Variants in NR1H4 observed in about 807,000 individuals in gnomAD.
The protein encoded by NR1H4 is nuclear receptor subfamily 1 group H member 4, also known as bile acid receptor.
Under a neutral mutation model 58.5 loss-of-function variants are expected in NR1H4, and 23 were observed. That is an observed-to-expected ratio of 0.39 (90% CI 0.28 to 0.56). The LOEUF is 0.56. Among genes scored for constraint, NR1H4 ranks in the 20% least tolerant of loss-of-function variants. The pLI is 0.58. For synonymous variants in NR1H4, 214 were observed against 198.0 expected, an observed-to-expected ratio of 1.08 and a Z score of -0.68; for missense variants, 487 against 576.9, an observed-to-expected ratio of 0.84 and a Z score of 1.60.
intron 4 of NR1H4, among the ~76,000 whole-genome samples, chr12:100,516,040 C>T (rs528077618): frequency 6.6e-5 from 10 of 152,264 alleles, no homozygotes; most frequent in East Asian, 3.9e-4. Context: ...AGAATACTGG[C>T]GTAAAAATCA....
chr12:100,538,415 C>T (rs983363721), intron 8 of NR1H4, among the ~76,000 whole-genome samples: 19 of 152,026 alleles, frequency 1.2e-4, no homozygotes, highest in Admixed American at 6.6e-5. Context: ...ATTCAAAAAT[C>T]GATAGGGCTT....
intron 4 of NR1H4, among the ~76,000 whole-genome samples, chr12:100,520,712 T>TA (rs1388214316): frequency 6.6e-6 from 1 of 152,192 alleles, no homozygotes; most frequent in East Asian, 1.9e-4. Flanking sequence ...CAATCCCGCT[T>TA]ACCAGTAGAA....
chr12:100,494,055 T>C (rs1953659729), intron 3 of NR1H4, among the ~76,000 whole-genome samples: 1 of 152,230 alleles, frequency 6.6e-6, no homozygotes, highest in Non-Finnish European at 1.5e-5. Context: ...GGAGCCTTTC[T>C]GCCAGTGTTA....
rs146080750 is a variant in NR1H4, at chr12:100,563,004, T to A, written c.1193-247T>A. Among the ~76,000 whole-genome samples the A allele has an allele frequency of 9.6e-4, 146 of 152,284 alleles. 1 individual carries two copies. Among genetic ancestry groups the A allele is most frequent in the African/African-American group, 3.2e-3 (135 of 41,558 alleles). The stretch of plus-strand genomic sequence containing the variant: ...AGGATGCTCACGTCCACCCTACAGG[T>A]TATCTTTAGGGGTTTTGATTGGAAG... On this transcript the variant is annotated intron_variant, in intron 10 of 10. Transcript: ENST00000392986.
At chr12:100,482,146 A>C (rs1285831018) in intron 1 of NR1H4, among the ~76,000 whole-genome samples, 1 of 151,976 alleles carries the variant, frequency 6.6e-6, no homozygotes, top group Non-Finnish European at 1.5e-5. Context: ...AAAACAAAAC[A>C]ATTTCCTGGG....
intron 3 of NR1H4, among the ~76,000 whole-genome samples, chr12:100,496,642 G>A (rs1237024515): frequency 3.3e-5 from 5 of 152,190 alleles, no homozygotes; most frequent in Non-Finnish European, 7.3e-5. Context: ...CCACAAAAAT[G>A]CTACTGTTGT....
intron 1 of NR1H4, among the ~76,000 whole-genome samples, chr12:100,488,518 A>T (rs964050967): frequency 8.5e-5 from 13 of 152,214 alleles, no homozygotes; most frequent in East Asian, 1.9e-4. Context: ...ATTAGAAATT[A>T]AAAAAATTCA....
intron 9 of NR1H4, among the ~76,000 whole-genome samples, chr12:100,548,152 G>T (rs1420639044): frequency 6.7e-6 from 1 of 150,164 alleles, no homozygotes; most frequent in Non-Finnish European, 1.5e-5. Flanking sequence ...TGGATCATGA[G>T]GTCAGGAGAT....
Position 100,510,772 on chromosome 12 carries a change from G to A in NR1H4, c.80-6G>A, listed in dbSNP as rs985776487. ...TCATTCCAGTTTTGTTGTCACTTTTGTTCAGGTGTTTTAACAGAACAAGTG... is the reference window on the plus strand; with the variant it reads ...TCATTCCAGTTTTGTTGTCACTTTTATTCAGGTGTTTTAACAGAACAAGTG... On this transcript the variant is annotated splice_region_variant and splice_polypyrimidine_tract_variant and intron_variant, in intron 3 of 10. Transcript: ENST00000392986. 2 of 1,613,550 alleles carry A rather than the reference G, an allele frequency of 1.2e-6. No individual in the cohort carries two copies. The highest frequency in any genetic ancestry group is 1.7e-6 in the Non-Finnish European group (2 of 1,179,856).
chr12:100,520,934 T>C (rs11110408), intron 4 of NR1H4, among the ~76,000 whole-genome samples: 22,623 of 152,108 alleles, frequency 0.15, 3,700 homozygotes, highest in East Asian at 0.45. Flanking sequence ...CCGTGCAATA[T>C]TTATTCCTCT....
chr12:100,495,751 C>A (rs1334215058), intron 3 of NR1H4, among the ~76,000 whole-genome samples: 2 of 151,294 alleles, frequency 1.3e-5, no homozygotes, highest in Admixed American at 6.6e-5. Flanking sequence ...AAAAAAAAAA[C>A]ATACCTGAGC....
In NR1H4 at chr12:100,559,735, C is replaced by T. The variant is rs549572306; in HGVS notation, c.1079-2150C>T. Among the ~76,000 whole-genome samples, 3 of 152,370 alleles carry T rather than the reference C, an allele frequency of 2.0e-5. No homozygotes were observed. In the South Asian group the frequency reaches 6.2e-4, roughly 32 times the overall value. On this transcript the variant is annotated intron_variant, in intron 9 of 10. Coordinates refer to ENST00000392986, the MANE Select transcript of NR1H4 (RefSeq NM_001206979.2). ...CACCCCCTGCTCCACGGCGCCCAGT[C>T]CCATCGACCACCCAAGGGCTGAGGA...
At chr12:100,521,948 G>C (rs1954430666) in intron 4 of NR1H4, among the ~76,000 whole-genome samples, 1 of 152,170 alleles carries the variant, frequency 6.6e-6, no homozygotes, top group African/African-American at 2.4e-5. Flanking sequence ...TGTAGTAAGT[G>C]TTATGAAAAT....
intron 5 of NR1H4, among the ~76,000 whole-genome samples, chr12:100,532,970 A>G (rs1229226712): frequency 6.6e-6 from 1 of 152,200 alleles, no homozygotes; most frequent in Non-Finnish European, 1.5e-5. Context: ...ATTAGCATAC[A>G]AATTCACTAT....
chr12:100,527,760 C>T (rs564616915), intron 4 of NR1H4, among the ~76,000 whole-genome samples: 2 of 152,124 alleles, frequency 1.3e-5, no homozygotes, highest in African/African-American at 2.4e-5. Context: ...GGTTTTTTGT[C>T]CTTGCGATCG....
At chr12:100,508,173 G>A (rs1471954690) in intron 3 of NR1H4, among the ~76,000 whole-genome samples, 3 of 152,046 alleles carry the variant, frequency 2.0e-5, no homozygotes, top group Admixed American at 2.0e-4. Context: ...GGAATTTAGA[G>A]GTAAGTGGAC....
At chr12:100,549,415 G>A (rs1051729954) in intron 9 of NR1H4, among the ~76,000 whole-genome samples, 22 of 152,080 alleles carry the variant, frequency 1.4e-4, no homozygotes, top group Admixed American at 3.9e-4. Context: ...CACCTTCCCT[G>A]TAAGTGAATA....
intron 9 of NR1H4, among the ~76,000 whole-genome samples, chr12:100,543,559 T>TTGTGTGTGTG (rs60277729): frequency 3.4e-4 from 49 of 145,708 alleles, no homozygotes; most frequent in African/African-American, 1.2e-3. Flanking sequence ...TCTGGACAGA[T>TTGTGTGTGTG]TGTGTGTGTG....
At chr12:100,520,562 T>C (rs940841978) in intron 4 of NR1H4, among the ~76,000 whole-genome samples, 1 of 152,132 alleles carries the variant, frequency 6.6e-6, no homozygotes, top group African/African-American at 2.4e-5. Context: ...GGAAGTTGCC[T>C]TCACTGGCAA....
Sources: gnomAD v4.1 joint callset for allele counts (sites outside exome capture counted in the v4.1 genomes callset) on GRCh38, gnomAD v4.1.1 for gene constraint, MANE v1.5 for transcripts, NCBI Gene and HGNC (gene_info 2026-07-23, HGNC 2026-07-21) for gene names.